The following GABARAPL2 variants were observed in gnomAD, a reference collection of about 807,000 sequenced individuals.
GABARAPL2 encodes gamma-aminobutyric acid receptor-associated protein-like 2.
GABARAPL2 carries 11 observed loss-of-function variants against 16.9 expected under a neutral mutation model. The ratio of observed to expected loss-of-function variants is 0.65; its 90% CI spans 0.41 to 1.08. The LOEUF is 1.08. Ranked by LOEUF, GABARAPL2 falls within the 50% of genes least tolerant of loss-of-function variation. The pLI is 0.00. For missense variants in GABARAPL2, 134 were observed against 142.5 expected (o/e 0.94, Z 0.30); for synonymous variants, 57 against 50.7 (o/e 1.12, Z -0.53).
chr16:75,570,739 C>G (rs556845620), intron 3 of GABARAPL2, among the ~76,000 whole-genome samples: 1 of 152,150 alleles, frequency 6.6e-6, no homozygotes, highest in Non-Finnish European at 1.5e-5. Context: ...AGGCAAGTCC[C>G]TAAGTTTTAC....
intron 3 of GABARAPL2, chr16:75,575,493 A>C (rs1326093884): frequency 6.6e-6 from 1 of 152,290 alleles, no homozygotes; most frequent in African/African-American, 2.4e-5. Flanking sequence ...TCTGTCGCCC[A>C]GGCTGGAGTG....
At chr16:75,566,775 C>CAGG (rs1259514264) in intron 1 of GABARAPL2, 77 bp from the exon 2 acceptor site, 23 of 1,350,430 alleles carry the variant, frequency 1.7e-5, no homozygotes, top group Non-Finnish European at 2.2e-5. Flanking sequence ...ACGCAGGGCG[C>CAGG]AGGAGGAGGA....
chr16:75,576,059 TTC>T (rs2080947654), intron 3 of GABARAPL2: 2 of 152,226 alleles, frequency 1.3e-5, no homozygotes, highest in Non-Finnish European at 2.9e-5. Context: ...TATTGAACAG[TTC>T]TGTTCCAGGG....
At chr16:75,569,277 G>A (rs1305840164) in intron 3 of GABARAPL2, among the ~76,000 whole-genome samples, 1 of 152,196 alleles carries the variant, frequency 6.6e-6, no homozygotes, top group Non-Finnish European at 1.5e-5. Flanking sequence ...TAGAAAGGCA[G>A]GGGAGAAATG....
At chr16:75,567,097 C>G (rs1247749313) in intron 2 of GABARAPL2, among the ~76,000 whole-genome samples, 190 bp downstream of exon 2, 1 of 152,200 alleles carries the variant, frequency 6.6e-6, no homozygotes, top group African/African-American at 2.4e-5. Context: ...TTCAGGGTGC[C>G]TCAGTGCTGA....
intron 2 of GABARAPL2, 35 bp downstream of exon 2, chr16:75,566,942 A>T: frequency 9.6e-6 from 15 of 1,567,252 alleles, no homozygotes; most frequent in Non-Finnish European, 1.2e-5. Flanking sequence ...CCTCGCTGTC[A>T]CCTCTGTCGT....
chr16:75,572,700 T>A (rs1032932923), intron 3 of GABARAPL2: 1 of 152,246 alleles, frequency 6.6e-6, no homozygotes, highest in Non-Finnish European at 1.5e-5. Flanking sequence ...CAGTTTAAAT[T>A]CATTTTCACA....
intron 3 of GABARAPL2, 58 bp downstream of exon 3, chr16:75,568,267 G>A (rs530257337): frequency 7.7e-6 from 10 of 1,291,326 alleles, no homozygotes; most frequent in Middle Eastern, 3.8e-4. Context: ...GGCTGCTTAC[G>A]GAACTCCAAA....
At chr16:75,566,947 T>G in intron 2 of GABARAPL2, 40 bp downstream of exon 2, 1 of 1,537,150 alleles carries the variant, frequency 6.5e-7, no homozygotes, top group African/African-American at 1.4e-5. Flanking sequence ...CTGTCACCTC[T>G]GTCGTCTGGG....
chr16:75,570,054 C>A (rs905033486), intron 3 of GABARAPL2, among the ~76,000 whole-genome samples: 3 of 152,290 alleles, frequency 2.0e-5, no homozygotes, highest in African/African-American at 7.2e-5. Flanking sequence ...TGACTTATCA[C>A]CCTACACTTA....
intron 3 of GABARAPL2, chr16:75,576,253 C>CAGGAAAAAAACT (rs1185654168): frequency 6.6e-6 from 1 of 152,122 alleles, no homozygotes; most frequent in Non-Finnish European, 1.5e-5. Context: ...GCAGGAAGAA[C>CAGGAAAAAAACT]AGGAAAAAAA....
At chr16:75,577,062 G>A (rs2080953818) in intron 3 of GABARAPL2, 11 of 466,744 alleles carry the variant, frequency 2.4e-5, no homozygotes, top group Non-Finnish European at 3.9e-5. Context: ...CTGCTTTAAA[G>A]GATTTACTTG....
chr16:75,566,946 C>CTG (rs765865013), intron 2 of GABARAPL2, 39 bp downstream of exon 2: 16 of 1,548,342 alleles, frequency 1.0e-5, no homozygotes, highest in Non-Finnish European at 1.4e-5. Context: ...GCTGTCACCT[C>CTG]TGTCGTCTGG....
Position 75,566,927 on chromosome 16 carries a change from C to G in GABARAPL2, c.90+20C>G. ...GTTCCGGTGAGTGGACTCTCCGCCC[C>G]CTCACCTCGCTGTCACCTCTGTCGT... On this transcript the variant is annotated intron_variant, in intron 2 of 3. Transcript: ENST00000037243. 1.3e-6 allele frequency: 2 copies of G among 1,599,562 alleles called. No homozygotes were observed. Among genetic ancestry groups the G allele is most frequent in the Non-Finnish European group, 1.7e-6 (2 of 1,167,210 alleles).
At chr16:75,567,000 G>A (rs377417014) in intron 2 of GABARAPL2, 93 bp downstream of exon 2, 20 of 1,111,304 alleles carry the variant, frequency 1.8e-5, no homozygotes, top group East Asian at 7.4e-5. Flanking sequence ...GACAAGTTGA[G>A]GTTCCAGTCC....
chr16:75,573,895 C>T (rs1398535452), intron 3 of GABARAPL2, among the ~76,000 whole-genome samples: 1 of 152,142 alleles, frequency 6.6e-6, no homozygotes, highest in African/African-American at 2.4e-5. Flanking sequence ...GATTATGGTA[C>T]CATCTACCTC....
At position 75,575,420 on chromosome 16, in the gene GABARAPL2, C is replaced by T. The variant is rs552015546; in HGVS notation, c.264-1859C>T. On this transcript the variant is annotated intron_variant, in intron 3 of 3. Transcript: ENST00000037243. ...AAGCGATTCTCCGGCCTCAGCTTCC[C>T]GAGTAGCTGGGATGACAGGCGTGCA... Among the ~76,000 whole-genome samples the T allele has an allele frequency of 4.9e-4, 74 of 152,072 alleles. 1 individual carries two copies. Among genetic ancestry groups the T allele is most frequent in the Admixed American group, 4.1e-3 (63 of 15,286 alleles).
intron 3 of GABARAPL2, 198 bp from the exon 4 acceptor site, chr16:75,577,081 T>A: frequency 2.0e-6 from 1 of 505,534 alleles, no homozygotes; most frequent in East Asian, 3.3e-5. Context: ...TGGGAGGATG[T>A]CAAATGGCTT....
intron 3 of GABARAPL2, among the ~76,000 whole-genome samples, chr16:75,569,018 T>A (rs1470782608): frequency 1.3e-5 from 2 of 152,156 alleles, no homozygotes; most frequent in Non-Finnish European, 2.9e-5. Context: ...ACATCTTATC[T>A]TTGTGACCCA....
Sources: allele counts gnomAD v4.1 joint callset (sites outside exome capture counted in the v4.1 genomes callset), GRCh38; gene constraint gnomAD v4.1.1; transcripts MANE v1.5; gene names NCBI Gene and HGNC (gene_info 2026-07-23, HGNC 2026-07-21).